The following PUM1 variants were observed in gnomAD, a reference collection of about 807,000 sequenced individuals.
PUM1 encodes pumilio homolog 1.
Under a neutral mutation model 131.8 loss-of-function variants are expected in PUM1, and 13 were observed. The ratio of observed to expected loss-of-function variants is 0.10; its 90% CI spans 0.06 to 0.16. PUM1 has a LOEUF of 0.16. Among genes scored for constraint, PUM1 ranks in the 10% least tolerant of loss-of-function variants. The pLI is 1.00. For missense variants in PUM1, 961 were observed against 1,512.4 expected, an observed-to-expected ratio of 0.64 and a Z score of 6.05; for synonymous variants, 509 against 556.5, an observed-to-expected ratio of 0.91 and a Z score of 1.20.
intron 18 of PUM1, among the ~76,000 whole-genome samples, chr1:30,943,600 G>C (rs1231607746): frequency 6.6e-6 from 1 of 152,108 alleles, no homozygotes; most frequent in African/African-American, 2.4e-5. Context: ...ATGGTCTTCT[G>C]GGTTCCTTAA....
At chr1:31,010,956 G>C (rs1420300264) in intron 3 of PUM1, among the ~76,000 whole-genome samples, 1 of 152,138 alleles carries the variant, frequency 6.6e-6, no homozygotes, top group African/African-American at 2.4e-5. Flanking sequence ...TCTAAGATCA[G>C]ACTTAGCAAC....
At chr1:31,063,027 A>G (rs145230194) in intron 1 of PUM1, among the ~76,000 whole-genome samples, 1 of 152,212 alleles carries the variant, frequency 6.6e-6, no homozygotes, top group East Asian at 1.9e-4. Flanking sequence ...CAAAACCAAA[A>G]AGTCATAGCC....
chr1:30,967,030 A>G lies in PUM1; in HGVS notation c.1789+137T>C. On this transcript the variant is annotated intron_variant, in intron 12 of 21. Coordinates refer to ENST00000426105, the MANE Select transcript of PUM1 (RefSeq NM_001020658.2). ...CCACTAAGGTCACTTATTGCTTCTG[A>G]TCTCTTTTTGAAACATTACAGGGTA... 5 of 968,270 alleles carry G rather than the reference A, an allele frequency of 5.2e-6. No homozygotes were observed. The South Asian group carries it at 9.6e-5, about 19-fold the overall frequency. The allele number at this position is 968,270 out of a possible 1,614,324, so 60.0% of individuals were successfully genotyped here. A position where few individuals can be genotyped will look rare whatever the true frequency, so the allele number is the denominator to read the frequency against.
intron 10 of PUM1, among the ~76,000 whole-genome samples, chr1:30,971,930 AAAT>A (rs1242737009): frequency 7.2e-5 from 11 of 152,116 alleles, no homozygotes; most frequent in Non-Finnish European, 1.3e-4. Context: ...TCACACAAAT[AAAT>A]ACAGACTTAT....
chr1:30,944,516 G>T (rs1299627745), intron 18 of PUM1, among the ~76,000 whole-genome samples: 1 of 152,198 alleles, frequency 6.6e-6, no homozygotes, highest in Admixed American at 6.5e-5. Flanking sequence ...AAGCTAAGAA[G>T]AGATTTTTGA....
At chr1:30,973,650 G>A (rs1326641260) in intron 10 of PUM1, among the ~76,000 whole-genome samples, 1 of 151,970 alleles carries the variant, frequency 6.6e-6, no homozygotes, top group African/African-American at 2.4e-5. Flanking sequence ...AAAACCACGT[G>A]GACACAATAA....
At chr1:31,031,098 A>G (rs1210305909) in intron 2 of PUM1, among the ~76,000 whole-genome samples, 1 of 152,148 alleles carries the variant, frequency 6.6e-6, no homozygotes, top group African/African-American at 2.4e-5. Context: ...TAAACTGTAT[A>G]TAATAAAAAT....
intron 1 of PUM1, 133 bp downstream of exon 1, chr1:31,065,483 C>T: frequency 1.8e-6 from 2 of 1,100,552 alleles, no homozygotes; most frequent in East Asian, 3.0e-5. Context: ...TGAGAAGCCT[C>T]AGCCAGGGCC....
intron 2 of PUM1, among the ~76,000 whole-genome samples, chr1:31,031,430 A>G (rs1486230167): frequency 6.6e-6 from 1 of 152,224 alleles, no homozygotes; most frequent in Non-Finnish European, 1.5e-5. Flanking sequence ...ACAACCTCAC[A>G]GTGATTATTC....
At position 30,942,194 on chromosome 1, in the gene PUM1, TATATATATATATATATATA is replaced by T. The variant is rs1639471397; in HGVS notation, c.2995-90_2995-72del. On this transcript the variant is annotated intron_variant, in intron 18 of 21. Coordinates refer to ENST00000426105, the MANE Select transcript of PUM1 (RefSeq NM_001020658.2). ...ACCTTCAATGCTTCAGTATTGTTTA[TATATATATATATATATATA>T]TATATATATATATATATATATATGT... 1.4e-3 allele frequency: 227 copies of T among 163,644 alleles called. 37 individuals are homozygous for T. The highest frequency in any genetic ancestry group is 3.1e-3 in the South Asian group (30 of 9,742). The allele number at this position is 163,644 out of a possible 1,614,324, so 10.1% of individuals were successfully genotyped here.
At chr1:31,034,275 G>C (rs752857985) in intron 2 of PUM1, among the ~76,000 whole-genome samples, 9 of 152,124 alleles carry the variant, frequency 5.9e-5, no homozygotes, top group Non-Finnish European at 1.2e-4. Flanking sequence ...TCTGTTGCCT[G>C]ATTAGAGAAA....
chr1:31,013,999 T>C (rs1427198575), intron 3 of PUM1, among the ~76,000 whole-genome samples: 1 of 152,158 alleles, frequency 6.6e-6, no homozygotes, highest in African/African-American at 2.4e-5. Flanking sequence ...CCTCAGAAAC[T>C]ACATACGTAT....
intron 4 of PUM1, among the ~76,000 whole-genome samples, chr1:31,006,579 G>T (rs1244509326): frequency 6.6e-6 from 1 of 152,116 alleles, no homozygotes; most frequent in African/African-American, 2.4e-5. Flanking sequence ...GAATGTCCAT[G>T]CCCAGTGACT....
At position 30,936,879 on chromosome 1, in the gene PUM1, C is replaced by T. The variant is rs764432650; in HGVS notation, c.3243-44G>A. 2.0e-6 allele frequency: 3 copies of T among 1,500,730 alleles called. No individual in the cohort carries two copies. The East Asian group carries it at 7.0e-5, about 35-fold the overall frequency. 93.0% of individuals were successfully genotyped at this position (1,500,730 alleles called of 1,614,324 possible). ...AGGGACAACTCTTACAAGAGAGGCC[C>T]CTGTTAGTGAGGCTGTGCTTGCCTA... On this transcript the variant is annotated intron_variant, in intron 20 of 21. Coordinates refer to ENST00000426105, the MANE Select transcript of PUM1 (RefSeq NM_001020658.2).
rs966730874 is a variant in PUM1, at chr1:31,003,976, T to C, written c.720+1877A>G. On this transcript the variant is annotated intron_variant, in intron 5 of 21. Transcript: ENST00000426105. ...TTTGGAGAATTTTCATTTATCTTCA[T>C]GCATACTTCAGAATTTTCATTTATC... 3.7e-4 allele frequency among the ~76,000 whole-genome samples: 56 copies of C among 152,198 alleles called. 1 individual carries two copies. Among genetic ancestry groups the C allele is most frequent in the African/African-American group, 1.3e-3 (54 of 41,448 alleles).
Position 30,964,560 on chromosome 1 carries a change from C to T in PUM1, c.2323+114G>A, listed in dbSNP as rs540415567. On this transcript the variant is annotated intron_variant, in intron 14 of 21. Transcript: ENST00000426105. ...GGTATTTACGGAAGGCACAGAACAC[C>T]CAGGACACTTCTAGTATAAAGGGAC... 24 of 886,550 alleles carry T rather than the reference C, an allele frequency of 2.7e-5. No individual in the cohort carries two copies. The African/African-American group carries it at 3.7e-4, about 14-fold the overall frequency. The allele number at this position is 886,550 out of a possible 1,614,324, so 54.9% of individuals were successfully genotyped here.
chr1:31,015,201 A>AT (rs1642767243), intron 3 of PUM1, among the ~76,000 whole-genome samples: 1 of 152,252 alleles, frequency 6.6e-6, no homozygotes, highest in Non-Finnish European at 1.5e-5. Context: ...GGATTACTTA[A>AT]TTCAAAATAT....
chr1:31,011,055 G>A (rs1341365283), intron 3 of PUM1, among the ~76,000 whole-genome samples: 1 of 152,116 alleles, frequency 6.6e-6, no homozygotes, highest in Non-Finnish European at 1.5e-5. Flanking sequence ...CTACTCAGGA[G>A]GCTGAGGTGG....
At chr1:30,947,632 C>T (rs1343008085) in intron 17 of PUM1, among the ~76,000 whole-genome samples, 1 of 152,168 alleles carries the variant, frequency 6.6e-6, no homozygotes, top group Non-Finnish European at 1.5e-5. Flanking sequence ...GCCCAGTTTC[C>T]CTGCTGTCTC....
Sources: allele counts gnomAD v4.1 joint callset (sites outside exome capture counted in the v4.1 genomes callset), GRCh38; gene constraint gnomAD v4.1.1; transcripts MANE v1.5; gene names NCBI Gene and HGNC (gene_info 2026-07-23, HGNC 2026-07-21).